Variants in TIMD4 observed in about 807,000 individuals in gnomAD.
The protein encoded by TIMD4 is T-cell immunoglobulin and mucin domain-containing protein 4.
In TIMD4, 31 loss-of-function variants were observed where a neutral mutation model predicts 41.2. The ratio of observed to expected loss-of-function variants is 0.75; its 90% CI spans 0.57 to 1.01. The LOEUF (loss-of-function observed/expected upper bound fraction) is 1.01, where lower values mean the gene tolerates loss of function less well. TIMD4 is among the 50% of genes least tolerant of loss of function. The probability of loss-of-function intolerance (pLI) is 0.00; values close to 1 mark genes in which losing one functional copy is unlikely to be tolerated. For synonymous variants in TIMD4, 204 were observed against 177.1 expected, an observed-to-expected ratio of 1.15 and a Z score of -1.21; for missense variants, 479 against 472.5, an observed-to-expected ratio of 1.01 and a Z score of -0.13.
At chr5:156,934,524 TC>T (rs1251563305) in intron 5 of TIMD4, among the ~76,000 whole-genome samples, 5 of 152,160 alleles carry the variant, frequency 3.3e-5, no homozygotes, top group Admixed American at 3.3e-4. Context: ...ACTCCTGGGC[TC>T]AAGTGATCCT....
At chr5:156,936,724 C>T (rs1759545747) in intron 5 of TIMD4, among the ~76,000 whole-genome samples, 1 of 151,582 alleles carries the variant, frequency 6.6e-6, no homozygotes, top group Admixed American at 6.6e-5. Flanking sequence ...CAAAACCAGC[C>T]TGGCCCACAT....
chr5:156,950,834 G>T (rs1048687258), intron 3 of TIMD4, among the ~76,000 whole-genome samples: 3 of 152,204 alleles, frequency 2.0e-5, no homozygotes, highest in Non-Finnish European at 2.9e-5. Flanking sequence ...TGGAACTGGA[G>T]TCTGACCAGG....
intron 5 of TIMD4, among the ~76,000 whole-genome samples, chr5:156,935,226 A>G (rs960427316): frequency 2.0e-5 from 3 of 151,876 alleles, no homozygotes; most frequent in African/African-American, 7.3e-5. Flanking sequence ...AAATCTAGAG[A>G]GAAAAGTTCA....
chr5:156,961,752 G>A (rs1013431685), intron 1 of TIMD4, among the ~76,000 whole-genome samples: 1 of 121,734 alleles, frequency 8.2e-6, no homozygotes, highest in Non-Finnish European at 1.6e-5. Flanking sequence ...GCAGTGAGCC[G>A]AGATAGAGAT....
At chr5:156,922,011 TA>T in intron 7 of TIMD4, 87 bp downstream of exon 7, 1 of 1,007,798 alleles carries the variant, frequency 9.9e-7, no homozygotes, top group Non-Finnish European at 1.5e-6. Flanking sequence ...TGGGGAGGGA[TA>T]AAGGGGAAGG....
intron 5 of TIMD4, among the ~76,000 whole-genome samples, chr5:156,946,608 C>A (rs560062773): frequency 6.6e-6 from 1 of 151,842 alleles, no homozygotes; most frequent in South Asian, 2.1e-4. Flanking sequence ...TCTCGAGTAG[C>A]TAGGACTACG....
chr5:156,924,645 G>C (rs1474889504), intron 6 of TIMD4: 1 of 170,192 alleles, frequency 5.9e-6, no homozygotes, highest in Admixed American at 6.3e-5. Context: ...ATACATAGTC[G>C]TGGAAGATTT....
chr5:156,939,159 A>G (rs967201918), intron 5 of TIMD4, among the ~76,000 whole-genome samples: 1 of 152,196 alleles, frequency 6.6e-6, no homozygotes, highest in Non-Finnish European at 1.5e-5. Context: ...GCAAGACAAT[A>G]AAGTGTGTAA....
At chr5:156,933,784 C>A (rs1270869900) in intron 5 of TIMD4, among the ~76,000 whole-genome samples, 2 of 151,976 alleles carry the variant, frequency 1.3e-5, no homozygotes, top group Non-Finnish European at 2.9e-5. Flanking sequence ...AAACTCCTGA[C>A]CTTGAGGAGC....
intron 5 of TIMD4, among the ~76,000 whole-genome samples, chr5:156,945,380 G>A (rs1759721294): frequency 6.6e-6 from 1 of 152,222 alleles, no homozygotes; most frequent in South Asian, 2.1e-4. Context: ...AAACAAGGCA[G>A]ACCTACAATG....
intron 6 of TIMD4, chr5:156,924,273 T>C: frequency 2.7e-6 from 1 of 375,892 alleles, no homozygotes; most frequent in Non-Finnish European, 5.2e-6. Flanking sequence ...AATCTAAACA[T>C]GCAGATGAGT....
intron 2 of TIMD4, among the ~76,000 whole-genome samples, chr5:156,952,464 C>T (rs1169728475): frequency 2.0e-5 from 3 of 152,088 alleles, no homozygotes; most frequent in Non-Finnish European, 4.4e-5. Context: ...CACCCGCCCC[C>T]GCTATCACTT....
At chr5:156,924,363 T>G (rs1475578400) in intron 6 of TIMD4, 1 of 374,556 alleles carries the variant, frequency 2.7e-6, no homozygotes, top group African/African-American at 2.1e-5. Flanking sequence ...GGAAAGGTAC[T>G]CCTAAATGAA....
intron 5 of TIMD4, among the ~76,000 whole-genome samples, chr5:156,944,727 G>C (rs572815410): frequency 6.6e-6 from 1 of 151,912 alleles, no homozygotes; most frequent in Non-Finnish European, 1.5e-5. Context: ...GGATGGTCTC[G>C]ATCTCCTGAT....
chr5:156,944,798 C>T (rs1008851484), intron 5 of TIMD4, among the ~76,000 whole-genome samples: 2 of 152,104 alleles, frequency 1.3e-5, no homozygotes, highest in African/African-American at 4.8e-5. Context: ...AGCCACTGTG[C>T]CTGGCCTCCC....
At chr5:156,953,532 G>T (rs1012914710) in intron 2 of TIMD4, among the ~76,000 whole-genome samples, 3 of 151,260 alleles carry the variant, frequency 2.0e-5, no homozygotes, top group Non-Finnish European at 4.4e-5. Flanking sequence ...CCAGGCACCT[G>T]TAATCCCAGC....
Position 156,931,676 on chromosome 5 carries a change from T to C in TIMD4, c.845-5364A>G, listed in dbSNP as rs538701448. On this transcript the variant is annotated intron_variant, in intron 5 of 8. Transcript: ENST00000274532. ...TAGCTTGTATTTTGGTCTCTTGAGT[T>C]CTTGGTAGGCATGGGCACTCTGGTA... Among the ~76,000 whole-genome samples the C allele has an allele frequency of 2.6e-4, 40 of 152,344 alleles. No individual in the cohort carries two copies. In the South Asian group the frequency reaches 7.7e-3, roughly 29 times the overall value.
chr5:156,954,609 A>G lies in TIMD4; in HGVS notation c.206T>C (p.Ile69Thr). Reference protein sequence around the residue: ...CPYSGCKEALIRTDGMRVTSR... With the variant: ...CPYSGCKEALTRTDGMRVTSR... Reference sequence around the variant, plus strand: ...GGTCACCCTCATTCCATCAGTGCGGATGAGCGCCTCCTTGCAACCGGAGTA... The same window carrying G: ...GGTCACCCTCATTCCATCAGTGCGGGTGAGCGCCTCCTTGCAACCGGAGTA... The change falls in exon 2 of 9, where the codon ATC (isoleucine) becomes ACC (threonine). Residue 69 changes from isoleucine (I) to threonine (T), a missense_variant. By Grantham distance (89) the Ile-to-Thr change is moderately conservative. Coordinates refer to ENST00000274532, the MANE Select transcript of TIMD4 (RefSeq NM_138379.3). 1 of 1,614,060 alleles carries G rather than the reference A, an allele frequency of 6.2e-7. No individual in the cohort carries two copies.
intron 5 of TIMD4, among the ~76,000 whole-genome samples, chr5:156,946,872 G>T (rs1293758233): frequency 6.6e-6 from 1 of 151,586 alleles, no homozygotes. Flanking sequence ...ATATAGAAAG[G>T]AACTCAAACT....
Sources: gnomAD v4.1 joint callset for allele counts (sites outside exome capture counted in the v4.1 genomes callset) on GRCh38, gnomAD v4.1.1 for gene constraint, MANE v1.5 for transcripts, NCBI Gene and HGNC (gene_info 2026-07-23, HGNC 2026-07-21) for gene names.